MMP3: variants seen among roughly 807,000 people sequenced by gnomAD.
MMP3 encodes stromelysin-1.
In MMP3, 46 loss-of-function variants were observed where a neutral mutation model predicts 47.3. The observed-to-expected ratio is 0.97, with a 90% CI of 0.77 to 1.24. The LOEUF is 1.24. Among genes scored for constraint, MMP3 ranks in the 50% most tolerant of loss-of-function variants. The pLI is 0.00. For synonymous variants in MMP3, 216 were observed against 206.5 expected (o/e 1.05, Z -0.39); for missense variants, 558 against 565.5 (o/e 0.99, Z 0.13).
At position 102,837,265 on chromosome 11, in the gene MMP3, G is replaced by GATTT. The variant is rs1555004710; in HGVS notation, c.1333+32_1333+33insAAAT. Reference sequence around the variant, plus strand: ...TCTGATATCATAAAATGTTTCAAGTGCTCTATGGCCAACACAGTAAGTATC... The same window carrying GATTT: ...TCTGATATCATAAAATGTTTCAAGTGATTTCTCTATGGCCAACACAGTAAGTATC... On this transcript the variant is annotated intron_variant, in intron 9 of 9. Coordinates refer to ENST00000299855, the MANE Select transcript of MMP3 (RefSeq NM_002422.5). This position sits in a 1 kb window ranked among gnomAD's most constrained non-coding sequence, Gnocchi z 4.4. 2 of 1,501,054 alleles carry GATTT rather than the reference G, an allele frequency of 1.3e-6. No individual in the cohort carries two copies. The allele number at this position is 1,501,054 out of a possible 1,614,324, so 93.0% of individuals were successfully genotyped here.
At chr11:102,839,336 A>T (rs1858950409) in intron 6 of MMP3, 93 bp from the exon 7 acceptor site, 4 of 1,422,972 alleles carry the variant, frequency 2.8e-6, no homozygotes, top group African/African-American at 1.4e-5. Context: ...AGCTTCCCCC[A>T]TTCTCTCATC....
At position 102,842,584 on chromosome 11, in the gene MMP3, A is replaced by T. The variant is rs782501997; in HGVS notation, c.351-5T>A. The T allele has an allele frequency of 1.2e-6, 2 of 1,613,614 alleles. No individual in the cohort carries two copies. The highest frequency in any genetic ancestry group is 3.3e-5 in the Admixed American group (2 of 59,928). ...TCTGGTGTATAATTCACAATCCTGT[A>T]GGAGAAAAATTGAAGCAGATGCTAT... On this transcript the variant is annotated splice_region_variant and splice_polypyrimidine_tract_variant and intron_variant, in intron 2 of 9. Transcript: ENST00000299855.
rs1555005742 is a variant in MMP3 at position 102,842,666 on chromosome 11, C to G, written c.350+6G>C. 1.2e-6 allele frequency: 2 copies of G among 1,613,794 alleles called. No homozygotes were observed. The highest frequency in any genetic ancestry group is 2.2e-5 in the South Asian group (2 of 91,060). ...ATCTTATGTGAAAACCCCTCTGAAC[C>G]ATTACCTGTATGTAAGGTGGGTTTT... On this transcript the variant is annotated splice_donor_region_variant and intron_variant, in intron 2 of 9. Coordinates refer to ENST00000299855, the MANE Select transcript of MMP3 (RefSeq NM_002422.5).
intron 4 of MMP3, 143 bp downstream of exon 4, chr11:102,842,011 A>C (rs1426191284): frequency 1.3e-6 from 1 of 790,464 alleles, no homozygotes; most frequent in Non-Finnish European, 1.7e-6. Context: ...TTCAATAATA[A>C]TTAAAACAAA....
chr11:102,840,686 G>A, intron 4 of MMP3, 93 bp from the exon 5 acceptor site: 1 of 1,319,108 alleles, frequency 7.6e-7, no homozygotes, highest in Non-Finnish European at 1.0e-6. Flanking sequence ...TTTACTTCTT[G>A]GAACCACACA....
rs1351010097 is a variant in MMP3, at chr11:102,842,775, T to C, written c.247A>G (p.Thr83Ala). 10 of 1,613,922 alleles carry C rather than the reference T, an allele frequency of 6.2e-6. No homozygotes were observed. The highest frequency in any genetic ancestry group is 8.5e-6 in the Non-Finnish European group (10 of 1,179,954). The change falls in exon 2 of 10, where the codon ACT becomes GCT. Residue 83 changes from threonine to alanine, a missense_variant. Coordinates refer to ENST00000299855, the MANE Select transcript of MMP3 (RefSeq NM_002422.5). ...CTGGGCTTGCGCATCACCTCCAGAG[T>C]GTCGGAGTCCAGCTTCCCCGTCACC... ...LEVTGKLDSD[T>A]LEVMRKPRCG...
chr11:102,836,343 T>G lies in MMP3; in HGVS notation c.1334-117A>C, dbSNP rs1858881308. On this transcript the variant is annotated intron_variant, in intron 9 of 9. Transcript: ENST00000299855. This position sits in a 1 kb window ranked among gnomAD's most constrained non-coding sequence, Gnocchi z 4.6. ...TAGAAAGTGTTTATAGAGCTTTACT[T>G]TATGTCAGGGACTATGCCAAGCTTG... 1 of 784,500 alleles carries G rather than the reference T, an allele frequency of 1.3e-6. No individual in the cohort carries two copies. Among genetic ancestry groups the G allele is most frequent in the Non-Finnish European group, 2.2e-6 (1 of 457,754 alleles). 48.6% of individuals were successfully genotyped at this position (784,500 alleles called of 1,614,324 possible). A position where few individuals can be genotyped will look rare whatever the true frequency, so the allele number is the denominator to read the frequency against.
At chr11:102,842,395 T>G in intron 3 of MMP3, 36 bp downstream of exon 3, 1 of 1,433,186 alleles carries the variant, frequency 7.0e-7, no homozygotes, top group Non-Finnish European at 9.2e-7. Context: ...TTTGTTTTGT[T>G]TTGTTTTGCT....
At position 102,842,548 on chromosome 11, in the gene MMP3, CT is replaced by C; in HGVS notation, c.381del (p.Asp128MetfsTer11). 2 of 1,613,178 alleles carry C rather than the reference CT, an allele frequency of 1.2e-6. No homozygotes were observed. The highest frequency in any genetic ancestry group is 1.1e-5 in the South Asian group (1 of 91,042). On this transcript the variant is annotated frameshift_variant, in exon 3 of 10. Transcript: ENST00000299855. LOFTEE classifies it high-confidence loss of function. ...RIVNYTPDLP[K>X]DAVDSAVEKA... ...TTCTCAACAGCAGAATCAACAGCAT[CT>C]TTTGGCAAATCTGGTGTATAATTCA... is the stretch of plus-strand genomic sequence containing the variant.
intron 7 of MMP3, 128 bp downstream of exon 7, chr11:102,838,982 G>C: frequency 9.9e-7 from 1 of 1,012,188 alleles, no homozygotes; most frequent in South Asian, 1.6e-5. Flanking sequence ...ATCAGCCCTG[G>C]TTATTTCTTC....
intron 4 of MMP3, 107 bp downstream of exon 4, chr11:102,842,047 A>T: frequency 8.9e-7 from 1 of 1,121,004 alleles, no homozygotes; most frequent in Non-Finnish European, 1.2e-6. Flanking sequence ...TCTCTGATCC[A>T]CTGGAAAATC....
At position 102,835,974 on chromosome 11, in the gene MMP3, G is replaced by A. The variant is rs1214686736; in HGVS notation, c.*152C>T. The A allele has an allele frequency of 1.6e-5, 10 of 606,268 alleles. No homozygotes were observed. The highest frequency in any genetic ancestry group is 5.5e-5 in the African/African-American group (3 of 54,156). The allele number at this position is 606,268 out of a possible 1,614,324, so 37.6% of individuals were successfully genotyped here. A position where few individuals can be genotyped will look rare whatever the true frequency, so the allele number is the denominator to read the frequency against. ...GCCCTGTAATAACATAAAAATGACC[G>A]GCAAGATACAGATTCACGCTCAAGT... On this transcript the variant is annotated 3_prime_UTR_variant, in exon 10 of 10. Coordinates refer to ENST00000299855, the MANE Select transcript of MMP3 (RefSeq NM_002422.5).
At chr11:102,842,940 A>G in intron 1 of MMP3, 24 bp from the exon 2 acceptor site, 1 of 1,551,218 alleles carries the variant, frequency 6.4e-7, no homozygotes, top group Non-Finnish European at 8.7e-7. Flanking sequence ...TATAGTTTTT[A>G]GGTCACTCTT....
rs782302199 is a variant in MMP3 at position 102,840,141 on chromosome 11, G to A, written c.902C>T (p.Thr301Ile). 1.7e-5 allele frequency: 27 copies of A among 1,613,972 alleles called. No homozygotes were observed. The highest frequency in any genetic ancestry group is 2.2e-5 in the Non-Finnish European group (26 of 1,180,000). The change falls in exon 6 of 10, where the codon ACT becomes ATT. Residue 301 changes from threonine to isoleucine, a missense_variant. Transcript: ENST00000299855. ...DPALSFDAVSTLRGEILIFKD... is the reference protein window; with the variant it reads ...DPALSFDAVSILRGEILIFKD... ...AAAGATCAGGATTTCTCCCCTCAGA[G>A]TGCTGACAGCATCAAAGGACAAAGC...
rs1565223859 is a variant in MMP3 at position 102,836,596 on chromosome 11, C to T, written c.1334-370G>A. 2.1e-6 allele frequency: 1 copy of T among 478,374 alleles called. No individual in the cohort carries two copies. Among genetic ancestry groups the T allele is most frequent in the Non-Finnish European group, 4.3e-6 (1 of 232,172 alleles). The allele number at this position is 478,374 out of a possible 1,614,324, so 29.6% of individuals were successfully genotyped here. A position where few individuals can be genotyped will look rare whatever the true frequency, so the allele number is the denominator to read the frequency against. On this transcript the variant is annotated intron_variant, in intron 9 of 9. Coordinates refer to ENST00000299855, the MANE Select transcript of MMP3 (RefSeq NM_002422.5). The surrounding 1 kb of genome is among the most constrained non-coding windows in gnomAD (Gnocchi z 4.6). ...TCCGATCAGATAAATTCTCCACTTG[C>T]TTGGAAACTCTCATCACCTATTTCT...
Position 102,838,701 on chromosome 11 carries a change from A to C in MMP3, c.1079T>G (p.Phe360Cys). 2 of 1,612,706 alleles carry C rather than the reference A, an allele frequency of 1.2e-6. No individual in the cohort carries two copies. Among genetic ancestry groups the C allele is most frequent in the Non-Finnish European group, 1.7e-6 (2 of 1,179,316 alleles). The change falls in exon 8 of 10, where the codon TTC (phenylalanine) becomes TGC (cysteine). Residue 360 changes from phenylalanine (F) to cysteine (C), a missense_variant. Coordinates refer to ENST00000299855, the MANE Select transcript of MMP3 (RefSeq NM_002422.5). ...DLVFIFKGNQFWAIRGNEVRA... is the reference protein window; with the variant it reads ...DLVFIFKGNQCWAIRGNEVRA... ...TACCTCATTTCCTCTGATAGCCCAG[A>C]ATTGATTTCCTGTTAAATATAAATA...
chr11:102,841,796 T>C (rs1462260341), intron 4 of MMP3, among the ~76,000 whole-genome samples: 1 of 152,108 alleles, frequency 6.6e-6, no homozygotes, highest in East Asian at 1.9e-4. Context: ...TGGAGGAAAT[T>C]ACATAAGTAA....
intron 1 of MMP3, 83 bp from the exon 2 acceptor site, chr11:102,842,999 C>T: frequency 8.2e-7 from 1 of 1,213,202 alleles, no homozygotes; most frequent in Admixed American, 2.8e-5. Flanking sequence ...TGCAGTTGCT[C>T]ACTTCTTAAT....
chr11:102,842,949 T>TTA (rs1266248033), intron 1 of MMP3, 33 bp from the exon 2 acceptor site: 10 of 1,503,388 alleles, frequency 6.7e-6, no homozygotes, highest in Non-Finnish European at 9.0e-6. Flanking sequence ...TAGGTCACTC[T>TTA]TACAATTTTT....
Sources: allele counts gnomAD v4.1 joint callset (sites outside exome capture counted in the v4.1 genomes callset), GRCh38; gene constraint gnomAD v4.1.1; non-coding constraint Gnocchi (gnomAD v3.1); transcripts MANE v1.5; gene names NCBI Gene and HGNC (gene_info 2026-07-23, HGNC 2026-07-21).